MAP2K1: variants seen among roughly 807,000 people sequenced by gnomAD.
The protein encoded by MAP2K1 is mitogen-activated protein kinase kinase 1.
Under a neutral mutation model 46.3 loss-of-function variants are expected in MAP2K1, and 16 were observed. The observed-to-expected ratio is 0.35, with a 90% CI of 0.23 to 0.52. The LOEUF is 0.52. Among genes scored for constraint, MAP2K1 ranks in the 20% least tolerant of loss-of-function variants. The probability of loss-of-function intolerance (pLI) is 0.94; values close to 1 mark genes in which losing one functional copy is unlikely to be tolerated. For missense variants in MAP2K1, 263 were observed against 497.1 expected (o/e 0.53, Z 4.48); for synonymous variants, 183 against 185.6 (o/e 0.99, Z 0.11).
intron 1 of MAP2K1, among the ~76,000 whole-genome samples, chr15:66,401,530 G>C (rs35945138): frequency 0.12 from 17,981 of 152,066 alleles, 1,172 homozygotes; most frequent in Non-Finnish European, 0.15. Flanking sequence ...CACTATTCTG[G>C]GAGCTGCAGG....
At chr15:66,390,282 C>T (rs1364058396) in intron 1 of MAP2K1, among the ~76,000 whole-genome samples, 1 of 152,212 alleles carries the variant, frequency 6.6e-6, no homozygotes, top group Non-Finnish European at 1.5e-5. Context: ...ACATCTTCAT[C>T]TTTCACTTCT....
chr15:66,490,469 T>C (rs1453328610), intron 10 of MAP2K1, 33 bp from the exon 11 acceptor site: 10 of 1,477,542 alleles, frequency 6.8e-6, no homozygotes, highest in Non-Finnish European at 8.5e-6. Context: ...TGTTTCTTTT[T>C]AACACCACGT....
chr15:66,482,546 T>C (rs891424779), intron 6 of MAP2K1, among the ~76,000 whole-genome samples: 1 of 152,236 alleles, frequency 6.6e-6, no homozygotes, highest in Non-Finnish European at 1.5e-5. Flanking sequence ...CTCTGCTGGC[T>C]CACACTGTCA....
intron 1 of MAP2K1, among the ~76,000 whole-genome samples, chr15:66,393,230 T>A (rs1214695733): frequency 6.6e-6 from 1 of 151,522 alleles, no homozygotes; most frequent in African/African-American, 2.4e-5. Context: ...CAGGCTGGAG[T>A]GCAGTGTTGC....
intron 5 of MAP2K1, among the ~76,000 whole-genome samples, chr15:66,455,039 A>C (rs1892131097): frequency 6.6e-6 from 1 of 152,154 alleles, no homozygotes; most frequent in Non-Finnish European, 1.5e-5. Context: ...TACAACTCTA[A>C]CAGTGCTATT....
chr15:66,478,729 A>C (rs1233919483), intron 5 of MAP2K1, among the ~76,000 whole-genome samples: 1 of 152,000 alleles, frequency 6.6e-6, no homozygotes, highest in African/African-American at 2.4e-5. Context: ...TGCCTACCTC[A>C]GCCTCCCAAA....
intron 3 of MAP2K1, among the ~76,000 whole-genome samples, chr15:66,438,019 CTTTT>C (rs58085335): frequency 1.7e-5 from 2 of 117,788 alleles, no homozygotes; most frequent in African/African-American, 3.2e-5. Flanking sequence ...CTCTTGTGTT[CTTTT>C]TTTTTTTTTT....
intron 1 of MAP2K1, among the ~76,000 whole-genome samples, chr15:66,415,668 A>C (rs759450670): frequency 6.6e-6 from 1 of 152,124 alleles, no homozygotes. Flanking sequence ...TCCCATTTCT[A>C]AGTTGCCAGA....
At chr15:66,480,735 C>T (rs545717712) in intron 5 of MAP2K1, among the ~76,000 whole-genome samples, 56 of 151,926 alleles carry the variant, frequency 3.7e-4, no homozygotes, top group Admixed American at 9.2e-4. Flanking sequence ...ATATAGACAC[C>T]ATATAGGTTT....
chr15:66,426,046 T>C (rs2093457503), intron 1 of MAP2K1, among the ~76,000 whole-genome samples: 2 of 152,126 alleles, frequency 1.3e-5, no homozygotes, highest in Admixed American at 6.5e-5. Flanking sequence ...TAGAAGAAAA[T>C]GCATCACAAA....
At chr15:66,421,665 A>G (rs931686471) in intron 1 of MAP2K1, among the ~76,000 whole-genome samples, 2 of 151,562 alleles carry the variant, frequency 1.3e-5, no homozygotes, top group Non-Finnish European at 2.9e-5. Flanking sequence ...TTAGCCTGGC[A>G]TAGTGGGGCC....
rs1373483413 is a variant in MAP2K1, at chr15:66,429,325, C to T, written c.81-5702C>T. On this transcript the variant is annotated intron_variant, in intron 1 of 10. Transcript: ENST00000307102. The stretch of plus-strand genomic sequence containing the variant: ...GGGAAATGCCAGACACTTATAAAAC[C>T]ATCAGCTCTCATGAGAATTCACTCA... 2.6e-5 allele frequency among the ~76,000 whole-genome samples: 4 copies of T among 151,808 alleles called. No homozygotes were observed. In the South Asian group the frequency reaches 8.3e-4, roughly 31 times the overall value.
chr15:66,464,598 C>T (rs1015699592), intron 5 of MAP2K1, among the ~76,000 whole-genome samples: 4 of 152,036 alleles, frequency 2.6e-5, no homozygotes, highest in African/African-American at 9.7e-5. Flanking sequence ...GATCTTGGCT[C>T]ACTGCAACCT....
At chr15:66,462,532 G>T (rs574957095) in intron 5 of MAP2K1, among the ~76,000 whole-genome samples, 20 of 149,114 alleles carry the variant, frequency 1.3e-4, no homozygotes, top group African/African-American at 4.7e-4. Flanking sequence ...GTAAAAAAAT[G>T]GATTATTGTT....
chr15:66,466,679 C>CA (rs1020722416), intron 5 of MAP2K1, among the ~76,000 whole-genome samples: 9 of 151,756 alleles, frequency 5.9e-5, no homozygotes, highest in African/African-American at 1.7e-4. Flanking sequence ...GACTGCATCT[C>CA]AAAAAAACAA....
At chr15:66,399,931 G>C (rs2093377437) in intron 1 of MAP2K1, among the ~76,000 whole-genome samples, 1 of 152,000 alleles carries the variant, frequency 6.6e-6, no homozygotes, top group Admixed American at 6.6e-5. Flanking sequence ...TTTAGATTCA[G>C]GGGGTATATG....
chr15:66,420,948 C>T (rs1437921904), intron 1 of MAP2K1, among the ~76,000 whole-genome samples: 1 of 65,230 alleles, frequency 1.5e-5, no homozygotes, highest in Non-Finnish European at 3.7e-5. Flanking sequence ...TACATATATA[C>T]ATACACATAC....
intron 1 of MAP2K1, among the ~76,000 whole-genome samples, chr15:66,403,384 G>A (rs1276875119): frequency 6.6e-6 from 1 of 152,184 alleles, no homozygotes; most frequent in Non-Finnish European, 1.5e-5. Context: ...TGTGGGGTTG[G>A]GGCTGGGACA....
chr15:66,487,095 C>A, intron 7 of MAP2K1, 133 bp from the exon 8 acceptor site: 2 of 747,044 alleles, frequency 2.7e-6, no homozygotes, highest in Non-Finnish European at 4.7e-6. Context: ...GTGTTCAAGC[C>A]TTATCTGTGG....
Sources: allele counts gnomAD v4.1 joint callset (sites outside exome capture counted in the v4.1 genomes callset), GRCh38; gene constraint gnomAD v4.1.1; transcripts MANE v1.5; gene names NCBI Gene and HGNC (gene_info 2026-07-23, HGNC 2026-07-21).